Variants in CACTIN observed in about 807,000 individuals in gnomAD.
The protein encoded by CACTIN is cactin, spliceosome C complex subunit, also known as splicing factor Cactin.
In CACTIN, 20 loss-of-function variants were observed where a neutral mutation model predicts 84.9. The ratio of observed to expected loss-of-function variants is 0.24; its 90% CI spans 0.17 to 0.34. The LOEUF is 0.34. Among genes scored for constraint, CACTIN ranks in the 10% least tolerant of loss-of-function variants. The probability of loss-of-function intolerance (pLI) is 1.00; values close to 1 mark genes in which losing one functional copy is unlikely to be tolerated. For missense variants in CACTIN, 897 were observed against 1,117.2 expected, an observed-to-expected ratio of 0.80 and a Z score of 2.81; for synonymous variants, 549 against 467.9, an observed-to-expected ratio of 1.17 and a Z score of -2.24.
chr19:3,612,929 A>G (rs1006787591), intron 9 of CACTIN, 129 bp downstream of exon 9: 6 of 1,148,336 alleles, frequency 5.2e-6, no homozygotes, highest in Non-Finnish European at 7.6e-6. Flanking sequence ...ACGCTCAGAG[A>G]CCCGGGGGAG....
In CACTIN at chr19:3,611,978, G is replaced by A. The variant is rs1339324233; in HGVS notation, c.2222C>T (p.Ala741Val). 6.2e-7 allele frequency: 1 copy of A among 1,613,696 alleles called. No individual in the cohort carries two copies. Among genetic ancestry groups the A allele is most frequent in the Non-Finnish European group, 8.5e-7 (1 of 1,179,880 alleles). ...SHRHGFRCQF[A>V]NGIFQLWFHF... ...AAACCACAGCTGGAAGATGCCGTTG[G>A]CAAACTGGCAGCGGAAGCCGTGGCG... Residue 741 changes from alanine (A) to valine (V), a missense_variant, in exon 10 of 10, where the codon GCC becomes GTC. Around this residue, in one of 8 missense-constraint regions of CACTIN, gnomAD observed 21 missense variants for 61.8 expected, o/e 0.34. Coordinates refer to ENST00000429344, the MANE Select transcript of CACTIN (RefSeq NM_001080543.2).
Position 3,624,025 on chromosome 19 carries a change from C to T in CACTIN, c.305G>A (p.Arg102Gln), listed in dbSNP as rs764731895. The T allele has an allele frequency of 6.9e-6, 11 of 1,605,536 alleles. No individual in the cohort carries two copies. Among genetic ancestry groups the T allele is most frequent in the East Asian group, 4.5e-5 (2 of 44,868 alleles). Residue 102 changes from arginine to glutamine, a missense_variant, in exon 2 of 10, where the codon CGG (arginine) becomes CAG (glutamine). By Grantham distance (43) the Arg-to-Gln change is conservative. This residue lies in a region of CACTIN where 261 missense variants were observed against 243.8 expected (regional missense o/e 1.07). Transcript: ENST00000429344. Reference sequence around the variant, plus strand: ...AGACCACGAGCGTGCGCGCCGTCGCCGGCGAGCCCACTGGCCCCGTGACTG... The same window carrying T: ...AGACCACGAGCGTGCGCGCCGTCGCTGGCGAGCCCACTGGCCCCGTGACTG... ...EEQSRGQWAR[R>Q]RRRARSWSPS...
chr19:3,623,627 G>A (rs993066886), intron 2 of CACTIN, 61 bp downstream of exon 2: 5 of 1,427,336 alleles, frequency 3.5e-6, no homozygotes, highest in South Asian at 1.3e-5. Context: ...CTCAAGTGTT[G>A]GGGTCTCCAG....
At chr19:3,614,679 G>T in intron 6 of CACTIN, 90 bp from the exon 7 acceptor site, 17 of 1,051,888 alleles carry the variant, frequency 1.6e-5, no homozygotes, top group Non-Finnish European at 2.0e-5. Flanking sequence ...CCATGGGGGG[G>T]TCCCCCTCCC....
In CACTIN at chr19:3,612,257, C is replaced by T; in HGVS notation, c.1943G>A (p.Arg648His). 1.2e-6 allele frequency: 2 copies of T among 1,613,236 alleles called. No individual in the cohort carries two copies. The highest frequency in any genetic ancestry group is 1.7e-6 in the Non-Finnish European group (2 of 1,179,892). The change falls in exon 10 of 10, where the codon CGC (arginine) becomes CAC (histidine). Residue 648 changes from arginine to histidine, a missense_variant. By Grantham distance (29) the Arg-to-His change is conservative (BLOSUM62 0). Transcript: ENST00000429344. ...GTTCCACTCGAAGCCCGTGTGCACG[C>T]GGTTGAAGAAGCGCGGCTTGCGTGG... ...YRPRKPRFFN[R>H]VHTGFEWNKY...
intron 1 of CACTIN, among the ~76,000 whole-genome samples, chr19:3,624,879 G>A (rs1377486280): frequency 2.0e-5 from 3 of 152,074 alleles, no homozygotes; most frequent in Admixed American, 1.3e-4. Flanking sequence ...TAGACACAGA[G>A]TCTACTAGAG....
At chr19:3,626,012 C>G (rs1192827354) in intron 1 of CACTIN, among the ~76,000 whole-genome samples, 1 of 152,208 alleles carries the variant, frequency 6.6e-6, no homozygotes, top group Non-Finnish European at 1.5e-5. Context: ...TTCCCTCCCA[C>G]AGCCCACCTC....
Position 3,613,148 on chromosome 19 carries a change from C to A in CACTIN, c.1696G>T (p.Ala566Ser). ...TGCGCGTCCAGTGGCAGCTCGTGCG[C>A]CGTGAGCAGCCGCGGGCTGTACCTG... Reference protein sequence around the residue: ...AGRYSPRLLTAHELPLDAHVL... With the variant: ...AGRYSPRLLTSHELPLDAHVL... The change falls in exon 9 of 10, where the codon GCG (alanine) becomes TCG (serine). Residue 566 changes from alanine to serine, a missense_variant. This residue lies in a region of CACTIN where 243 missense variants were observed against 239.9 expected (regional missense o/e 1.01). Transcript: ENST00000429344. The A allele has an allele frequency of 1.9e-6, 3 of 1,609,054 alleles. No homozygotes were observed. Among genetic ancestry groups the A allele is most frequent in the Non-Finnish European group, 2.5e-6 (3 of 1,179,140 alleles).
chr19:3,626,643 C>A lies in CACTIN; in HGVS notation c.120G>T (p.Arg40=). 1 of 1,537,118 alleles carries A rather than the reference C, an allele frequency of 6.5e-7. No homozygotes were observed. The highest frequency in any genetic ancestry group is 1.2e-5 in the South Asian group (1 of 83,138). The change falls in exon 1 of 10, where the codon CGG becomes CGT. Residue 40 remains arginine (R), a synonymous_variant. Transcript: ENST00000429344. The part of the protein sequence containing the change: ...RSHGRRNRRR[R]EDEGRRRRRR... ...TCCGTCTGCGCCGTCCCTCGTCCTC[C>A]CGGCGCCGTCGGTTTCGCCGCCCAT...
At chr19:3,620,600 C>A (rs2033202753) in intron 3 of CACTIN, 107 bp downstream of exon 3, 3 of 860,716 alleles carry the variant, frequency 3.5e-6, no homozygotes, top group Non-Finnish European at 5.3e-6. Context: ...TACCTGAAGC[C>A]AGCCCCCAGG....
At chr19:3,620,335 G>C in intron 3 of CACTIN, 63 bp from the exon 4 acceptor site, 1 of 1,508,648 alleles carries the variant, frequency 6.6e-7, no homozygotes, top group Admixed American at 2.0e-5. Context: ...CGGGGGGAGG[G>C]GCTGTGATGA....
rs1333409671 is a variant in CACTIN at position 3,614,493 on chromosome 19, C to T, written c.1259G>A (p.Gly420Asp). ...ACCAGCGCGGATTTTGCCCTCGATGCCCTGGAAGATGACCTGCAGCTGGTT... is the reference window on the plus strand; with the variant it reads ...ACCAGCGCGGATTTTGCCCTCGATGTCCTGGAAGATGACCTGCAGCTGGTT... ...TYNQLQVIFQ[G>D]IEGKIRAGGP... Residue 420 changes from glycine to aspartate, a missense_variant, in exon 7 of 10, where the codon GGC (glycine) becomes GAC (aspartate). Around this residue, in one of 8 missense-constraint regions of CACTIN, gnomAD observed 304 missense variants for 444.3 expected, o/e 0.68. Coordinates refer to ENST00000429344, the MANE Select transcript of CACTIN (RefSeq NM_001080543.2). 1.6e-5 allele frequency: 26 copies of T among 1,604,964 alleles called. No homozygotes were observed. Among genetic ancestry groups the T allele is most frequent in the Non-Finnish European group, 8.5e-7 (1 of 1,175,896 alleles).
At chr19:3,620,947 T>G in intron 2 of CACTIN, 145 bp from the exon 3 acceptor site, 1 of 712,778 alleles carries the variant, frequency 1.4e-6, no homozygotes, top group Non-Finnish European at 2.5e-6. Flanking sequence ...ACCCCCTCCT[T>G]AACACTCCTG....
intron 3 of CACTIN, 104 bp downstream of exon 3, chr19:3,620,603 C>A (rs971429445): frequency 2.3e-6 from 2 of 873,680 alleles, no homozygotes; most frequent in Non-Finnish European, 1.7e-6. Context: ...CTGAAGCCAG[C>A]CCCCAGGACT....
In CACTIN at chr19:3,611,711, C is replaced by A. The variant is rs1311274956; in HGVS notation, c.*212G>T. Reference sequence around the variant, plus strand: ...ATCAGGACCCTAGGCCAGCCTGTCCCAGTGTCTCCTCAGCTCACCATGGCA... The same window carrying A: ...ATCAGGACCCTAGGCCAGCCTGTCCAAGTGTCTCCTCAGCTCACCATGGCA... On this transcript the variant is annotated 3_prime_UTR_variant, in exon 10 of 10. Transcript: ENST00000429344. 1.5e-6 allele frequency: 1 copy of A among 667,058 alleles called. No individual in the cohort carries two copies. The allele number at this position is 667,058 out of a possible 1,614,324, so 41.3% of individuals were successfully genotyped here.
At position 3,614,584 on chromosome 19, in the gene CACTIN, G is replaced by T. The variant is rs760891337; in HGVS notation, c.1168C>A (p.Arg390Ser). 5.6e-6 allele frequency: 9 copies of T among 1,599,990 alleles called. No homozygotes were observed. The highest frequency in any genetic ancestry group is 7.7e-6 in the Non-Finnish European group (9 of 1,173,814). Reference sequence around the variant, plus strand: ...ACGGAGGCGTTGACCCCCTCGCGGCGCTCACCTGCAGCGGGGTGGGGGCAT... The same window carrying T: ...ACGGAGGCGTTGACCCCCTCGCGGCTCTCACCTGCAGCGGGGTGGGGGCAT... ...LEASGKGPGE[R>S]REGVNASVSS... Residue 390 changes from arginine to serine, a missense_variant, in exon 7 of 10, where the codon CGC becomes AGC. Around this residue, in one of 8 missense-constraint regions of CACTIN, gnomAD observed 304 missense variants for 444.3 expected, o/e 0.68. Coordinates refer to ENST00000429344, the MANE Select transcript of CACTIN (RefSeq NM_001080543.2).
Position 3,613,541 on chromosome 19 carries a change from T to C in CACTIN, c.1401A>G (p.Lys467=). The stretch of plus-strand genomic sequence containing the variant: ...TCTCCACGCCCTGCTCCTGCTTCAG[T>C]TTGTACAGCTTCTGCCGCAGCACGT... ...HQDVLRQKLY[K]LKQEQGVESE... The change falls in exon 8 of 10, where the codon AAA becomes AAG. Residue 467 remains lysine (K), a synonymous_variant. Coordinates refer to ENST00000429344, the MANE Select transcript of CACTIN (RefSeq NM_001080543.2). 10 of 1,601,034 alleles carry C rather than the reference T, an allele frequency of 6.2e-6. No homozygotes were observed. The highest frequency in any genetic ancestry group is 8.5e-6 in the Non-Finnish European group (10 of 1,177,726).
chr19:3,612,700 C>A, intron 9 of CACTIN: 1 of 700,756 alleles, frequency 1.4e-6, no homozygotes, highest in Middle Eastern at 2.3e-4. Flanking sequence ...TAGGGCCTGG[C>A]TGCGGGATCC....
rs943626952 is a variant in CACTIN at position 3,618,332 on chromosome 19, C to T, written c.1162+543G>A. 3.3e-4 allele frequency among the ~76,000 whole-genome samples: 50 copies of T among 152,156 alleles called. 1 individual carries two copies. Among genetic ancestry groups the T allele is most frequent in the South Asian group, 4.1e-4 (2 of 4,830 alleles). On this transcript the variant is annotated intron_variant, in intron 6 of 9. Transcript: ENST00000429344. ...CACCCAGCAGTGTCCAGGACGGCCC[C>T]ACCCTAGGGAACGGCCCAGCCCGCA...
Sources: allele counts gnomAD v4.1 joint callset (sites outside exome capture counted in the v4.1 genomes callset), GRCh38; gene constraint gnomAD v4.1.1; regional missense constraint gnomAD v4.1.1; transcripts MANE v1.5; gene names NCBI Gene and HGNC (gene_info 2026-07-23, HGNC 2026-07-21).